Variants in MEIOC observed in about 807,000 individuals in gnomAD.
MEIOC encodes the protein meiosis specific with coiled-coil domain.
Under a neutral mutation model 85.3 loss-of-function variants are expected in MEIOC, and 9 were observed. That is an observed-to-expected ratio of 0.11 (90% CI 0.06 to 0.18). The LOEUF is 0.18. Ranked by LOEUF, MEIOC falls within the 10% of genes least tolerant of loss-of-function variation. The pLI, the probability that MEIOC is intolerant of heterozygous loss-of-function variation, is 1.00. For synonymous variants in MEIOC, 365 were observed against 393.7 expected (o/e 0.93, Z 0.86); for missense variants, 898 against 1,129.4 (o/e 0.80, Z 2.94).
Position 44,674,140 on chromosome 17 carries a change from G to C in MEIOC, c.2803G>C (p.Glu935Gln). 1 of 1,551,688 alleles carries C rather than the reference G, an allele frequency of 6.4e-7. No individual in the cohort carries two copies. The highest frequency in any genetic ancestry group is 8.7e-7 in the Non-Finnish European group (1 of 1,146,990). Residue 935 changes from glutamate (E) to glutamine (Q), a missense_variant, in exon 8 of 8, where the codon GAA becomes CAA. Physicochemically the swap from Glu to Gln is conservative, Grantham distance 29. This residue lies in a region of MEIOC where 164 missense variants were observed against 269.2 expected (regional missense o/e 0.61). Transcript: ENST00000409122. Reference sequence around the variant, plus strand: ...AGTAAACTGTGAAGATAAAGTCCATGAAAGCATAAATAGTAGCAATCCAAT... The same window carrying C: ...AGTAAACTGTGAAGATAAAGTCCATCAAAGCATAAATAGTAGCAATCCAAT... The part of the protein sequence containing the change: ...DTVNCEDKVH[E>Q]SINSSNPMNQ...
chr17:44,657,344 G>A, intron 2 of MEIOC, 83 bp downstream of exon 2: 2 of 1,256,534 alleles, frequency 1.6e-6, no homozygotes, highest in Non-Finnish European at 2.2e-6. Context: ...GTGTTTAATG[G>A]CTCCACAGTT....
chr17:44,665,120 G>A (rs1489548328), intron 3 of MEIOC: 2 of 1,017,160 alleles, frequency 2.0e-6, no homozygotes, highest in Admixed American at 1.1e-4. Context: ...AAAACCATGT[G>A]TTGTGGAGAA....
At chr17:44,676,900 G>A (rs1198908957), downstream of MEIOC, 7 of 962,906 alleles carry the variant, frequency 7.3e-6, no homozygotes, top group South Asian at 9.6e-5. Context: ...GAGTCAAGTG[G>A]ATAACTAAAC....
chr17:44,673,781 C>T lies in MEIOC; in HGVS notation c.2639-195C>T, dbSNP rs555439438. The T allele has an allele frequency of 4.4e-5, 33 of 755,838 alleles. 2 individuals are homozygous for T. Among genetic ancestry groups the T allele is most frequent in the African/African-American group, 4.2e-4 (24 of 56,706 alleles). The allele number at this position is 755,838 out of a possible 1,614,324, so 46.8% of individuals were successfully genotyped here. A position where few individuals can be genotyped will look rare whatever the true frequency, so the allele number is the denominator to read the frequency against. ...TACTCAAACTATAGTCACTATTGTA[C>T]AAGTCAGAAATAAAGTATCAATACT... On this transcript the variant is annotated intron_variant, in intron 7 of 7. Coordinates refer to ENST00000409122, the MANE Select transcript of MEIOC (RefSeq NM_001145080.3).
At chr17:44,664,696 T>C (rs1453425092) in intron 3 of MEIOC, among the ~76,000 whole-genome samples, 1 of 152,194 alleles carries the variant, frequency 6.6e-6, no homozygotes, top group Admixed American at 6.5e-5. Flanking sequence ...ACCCAAAAAC[T>C]GTAACAGGTA....
At chr17:44,658,754 C>G (rs1235484165) in intron 2 of MEIOC, among the ~76,000 whole-genome samples, 2 of 147,264 alleles carry the variant, frequency 1.4e-5, no homozygotes, top group Admixed American at 1.4e-4. Flanking sequence ...GATCATGCCA[C>G]TGCACTCCAG....
rs1972061116 is a variant in MEIOC at position 44,675,304 on chromosome 17, C to A, written c.*1108C>A. ...TGAAAGCTTAACTTTTTCTGTTTCT[C>A]ATCACTTAGTATCTTTGTATAGAAC... On this transcript the variant is annotated 3_prime_UTR_variant, in exon 8 of 8. Transcript: ENST00000409122. 5.1e-6 allele frequency: 5 copies of A among 975,902 alleles called. No homozygotes were observed. Among genetic ancestry groups the A allele is most frequent in the Non-Finnish European group, 6.1e-6 (5 of 821,436 alleles). 60.5% of individuals were successfully genotyped at this position (975,902 alleles called of 1,614,324 possible). A position where few individuals can be genotyped will look rare whatever the true frequency, so the allele number is the denominator to read the frequency against.
intron 2 of MEIOC, among the ~76,000 whole-genome samples, chr17:44,659,696 G>C (rs1240363411): frequency 6.6e-6 from 1 of 152,144 alleles, no homozygotes; most frequent in Non-Finnish European, 1.5e-5. Context: ...TACATAATCT[G>C]AAAATGTTCC....
In MEIOC at chr17:44,666,885, A is replaced by T. The variant is rs747600616; in HGVS notation, c.974A>T (p.Tyr325Phe). The change falls in exon 5 of 8, where the codon TAT becomes TTT. Residue 325 changes from tyrosine (Y) to phenylalanine (F), a missense_variant. By Grantham distance (22) the Tyr-to-Phe change is conservative. Transcript: ENST00000409122. ...QFNRYNENVD[Y>F]CRYPEYVHPN... is the part of the protein sequence containing the mutation. ...AATAGATACAATGAAAATGTAGATT[A>T]TTGTAGATACCCAGAGTATGTTCAT... is the stretch of plus-strand genomic sequence containing the variant. 3.7e-6 allele frequency: 6 copies of T among 1,609,658 alleles called. 1 individual carries two copies. In the South Asian group the frequency reaches 6.6e-5, roughly 18 times the overall value.
intron 2 of MEIOC, 112 bp from the exon 3 acceptor site, chr17:44,662,205 A>G: frequency 3.5e-6 from 3 of 847,460 alleles, no homozygotes; most frequent in Non-Finnish European, 5.4e-6. Context: ...CTGCATTTGA[A>G]TGTAATTCTC....
Position 44,667,015 on chromosome 17 carries a change from C to T in MEIOC, c.1104C>T (p.Tyr368=). 3.1e-6 allele frequency: 5 copies of T among 1,613,800 alleles called. No homozygotes were observed. The highest frequency in any genetic ancestry group is 4.2e-6 in the Non-Finnish European group (5 of 1,179,790). The change falls in exon 5 of 8, where the codon TAC becomes TAT. Residue 368 remains tyrosine, a synonymous_variant. Transcript: ENST00000409122. ...PETPTVEADT[Y]TKLFQVKPAN... is the part of the protein sequence containing the mutation. ...CACCAACTGTAGAAGCAGACACCTA[C>T]ACAAAGTTATTTCAGGTTAAGCCAG... is the stretch of plus-strand genomic sequence containing the variant.
At position 44,667,646 on chromosome 17, in the gene MEIOC, G is replaced by T; in HGVS notation, c.1735G>T (p.Asp579Tyr). Reference sequence around the variant, plus strand: ...AGAAAATCTCTTCAAATTGGTTACGGATAAAAAAATAAAGCAGCCAAATGG... The same window carrying T: ...AGAAAATCTCTTCAAATTGGTTACGTATAAAAAAATAAAGCAGCCAAATGG... ...GEENLFKLVT[D>Y]KKIKQPNGFC... The change falls in exon 5 of 8, where the codon GAT becomes TAT. Residue 579 changes from aspartate to tyrosine, a missense_variant. Physicochemically the swap from Asp to Tyr is radical, Grantham distance 160 (BLOSUM62 -3). Around this residue, in one of 2 missense-constraint regions of MEIOC, gnomAD observed 734 missense variants for 860.1 expected, o/e 0.85. Transcript: ENST00000409122. 2 of 1,612,350 alleles carry T rather than the reference G, an allele frequency of 1.2e-6. No homozygotes were observed. The highest frequency in any genetic ancestry group is 1.1e-5 in the South Asian group (1 of 90,914).
rs1395348296 is a variant in MEIOC, at chr17:44,669,535, A to G, written c.2457+18A>G. The G allele has an allele frequency of 6.4e-6, 10 of 1,551,194 alleles. No homozygotes were observed. The highest frequency in any genetic ancestry group is 2.4e-5 in the East Asian group (1 of 40,886). ...TAGCCAGAGTAAGCTGTAAAAATAG[A>G]TAACAGTGGATGGATTTTTTGTTAA... is the stretch of plus-strand genomic sequence containing the variant. On this transcript the variant is annotated intron_variant, in intron 6 of 7. Transcript: ENST00000409122.
intron 2 of MEIOC, among the ~76,000 whole-genome samples, chr17:44,661,288 CAAAAAAAAAAAAA>C (rs1186351387): frequency 1.8e-5 from 1 of 54,220 alleles, no homozygotes; most frequent in Non-Finnish European, 3.2e-5. Flanking sequence ...ACTCTTGTCT[CAAAAAAAAAAAAA>C]AAAAAAAAAA....
At position 44,673,192 on chromosome 17, in the gene MEIOC, G is replaced by A. The variant is rs562642453; in HGVS notation, c.2458-174G>A. 3 of 458,938 alleles carry A rather than the reference G, an allele frequency of 6.5e-6. No individual in the cohort carries two copies. In the East Asian group the frequency reaches 1.0e-4, roughly 16 times the overall value. 28.4% of individuals were successfully genotyped at this position (458,938 alleles called of 1,614,324 possible). ...TAGAATTAACATAGACAAGTAGATA[G>A]AAAACACTTTCCATTTTTGTTTCCC... On this transcript the variant is annotated intron_variant, in intron 6 of 7. Transcript: ENST00000409122.
At position 44,674,298 on chromosome 17, in the gene MEIOC, G is replaced by C; in HGVS notation, c.*102G>C. 2 of 1,445,314 alleles carry C rather than the reference G, an allele frequency of 1.4e-6. No individual in the cohort carries two copies. Among genetic ancestry groups the C allele is most frequent in the Non-Finnish European group, 1.8e-6 (2 of 1,102,390 alleles). 89.5% of individuals were successfully genotyped at this position (1,445,314 alleles called of 1,614,324 possible). A position where few individuals can be genotyped will look rare whatever the true frequency, so the allele number is the denominator to read the frequency against. On this transcript the variant is annotated 3_prime_UTR_variant, in exon 8 of 8. Transcript: ENST00000409122. The stretch of plus-strand genomic sequence containing the variant: ...CAAACTTTCAGTATGTTTTCTTTCA[G>C]ATTTAAAGTTAATACCAGTACCTTA...
chr17:44,656,715 C>CTG (rs1568130784), intron 1 of MEIOC, 33 bp downstream of exon 1: 1 of 1,460,978 alleles, frequency 6.8e-7, no homozygotes, highest in Admixed American at 2.6e-5. Context: ...GTCCAGGGGG[C>CTG]GGCCAGACTT....
At position 44,673,507 on chromosome 17, in the gene MEIOC, C is replaced by T. The variant is rs867285786; in HGVS notation, c.2599C>T (p.Arg867Trp). The change falls in exon 7 of 8, where the codon CGG becomes TGG. Residue 867 changes from arginine (R) to tryptophan (W), a missense_variant. Coordinates refer to ENST00000409122, the MANE Select transcript of MEIOC (RefSeq NM_001145080.3). ...RKDEIVNASN[R>W]QRQGVPRCQD... Reference sequence around the variant, plus strand: ...GGATGAAATTGTTAATGCTTCCAATCGGCAAAGGCAAGGAGTTCCTAGATG... The same window carrying T: ...GGATGAAATTGTTAATGCTTCCAATTGGCAAAGGCAAGGAGTTCCTAGATG... The T allele has an allele frequency of 3.9e-6, 6 of 1,550,400 alleles. No homozygotes were observed. The East Asian group carries it at 7.3e-5, about 19-fold the overall frequency.
chr17:44,673,544 G>C lies in MEIOC; in HGVS notation c.2636G>C (p.Arg879Thr). Residue 879 changes from arginine to threonine, a missense_variant and splice_region_variant, in exon 7 of 8, where the codon AGA (arginine) becomes ACA (threonine). Physicochemically the swap from Arg to Thr is moderately conservative, Grantham distance 71. This residue lies in a region of MEIOC where 164 missense variants were observed against 269.2 expected (regional missense o/e 0.61). Coordinates refer to ENST00000409122, the MANE Select transcript of MEIOC (RefSeq NM_001145080.3). Reference protein sequence around the residue: ...RQGVPRCQDDRDVFALASAIK... With the variant: ...RQGVPRCQDDTDVFALASAIK... Reference sequence around the variant, plus strand: ...GGAGTTCCTAGATGCCAAGATGACAGAGGTACAAATATTAATGCATATTCT... The same window carrying C: ...GGAGTTCCTAGATGCCAAGATGACACAGGTACAAATATTAATGCATATTCT... 1 of 1,543,920 alleles carries C rather than the reference G, an allele frequency of 6.5e-7. No homozygotes were observed. The highest frequency in any genetic ancestry group is 8.7e-7 in the Non-Finnish European group (1 of 1,144,244).
Sources: allele counts gnomAD v4.1 joint callset (sites outside exome capture counted in the v4.1 genomes callset), GRCh38; gene constraint gnomAD v4.1.1; regional missense constraint gnomAD v4.1.1; transcripts MANE v1.5; gene names NCBI Gene and HGNC (gene_info 2026-07-23, HGNC 2026-07-21).